Variants in MCTP2 observed in about 807,000 individuals in gnomAD.
MCTP2 encodes the protein multiple C2 and transmembrane domain containing 2, also known as multiple C2 and transmembrane domain-containing protein 2.
A neutral mutation model predicts 111.6 loss-of-function variants in MCTP2; 132 were observed. That is an observed-to-expected ratio of 1.18 (90% CI 1.03 to 1.37). MCTP2 has a LOEUF of 1.37. Ranked by LOEUF, MCTP2 falls within the 40% of genes most tolerant of loss-of-function variation. The probability of loss-of-function intolerance (pLI) is 0.00; values close to 1 mark genes in which losing one functional copy is unlikely to be tolerated. For synonymous variants in MCTP2, 395 were observed against 387.7 expected (o/e 1.02, Z -0.22); for missense variants, 1,183 against 1,067.9 (o/e 1.11, Z -1.50).
intron 11 of MCTP2, among the ~76,000 whole-genome samples, chr15:94,368,412 T>C (rs943497946): frequency 1.3e-5 from 2 of 152,214 alleles, no homozygotes; most frequent in Non-Finnish European, 2.9e-5. Context: ...TTTATTTGCA[T>C]TCTGCTTTTA....
At chr15:94,335,097 A>G (rs376195626) in intron 4 of MCTP2, among the ~76,000 whole-genome samples, 1 of 152,038 alleles carries the variant, frequency 6.6e-6, no homozygotes, top group East Asian at 1.9e-4. Context: ...CTGTTGCTAT[A>G]TTTTCTCAAC....
At position 94,359,931 on chromosome 15, in the gene MCTP2, A is replaced by T. The variant is rs530235357; in HGVS notation, c.1301+1319A>T. On this transcript the variant is annotated intron_variant, in intron 10 of 22. Coordinates refer to ENST00000357742, the MANE Select transcript of MCTP2 (RefSeq NM_001385001.1). Reference sequence around the variant, plus strand: ...GAATGTTGCTCCGGTGTCTCTCAATATGGGTACCCTGTTGCATGGGACTGT... The same window carrying T: ...GAATGTTGCTCCGGTGTCTCTCAATTTGGGTACCCTGTTGCATGGGACTGT... Among the ~76,000 whole-genome samples the T allele has an allele frequency of 2.6e-5, 4 of 152,216 alleles. No individual in the cohort carries two copies. In the South Asian group the frequency reaches 8.3e-4, roughly 32 times the overall value.
At chr15:94,391,749 C>T (rs1019470639) in intron 14 of MCTP2, among the ~76,000 whole-genome samples, 7 of 152,120 alleles carry the variant, frequency 4.6e-5, no homozygotes, top group African/African-American at 1.4e-4. Flanking sequence ...CTGGAGAGAT[C>T]CTGAACCCCA....
At chr15:94,348,233 C>G (rs987477551) in intron 8 of MCTP2, among the ~76,000 whole-genome samples, 2 of 151,566 alleles carry the variant, frequency 1.3e-5, no homozygotes, top group African/African-American at 4.9e-5. Context: ...AGGCTGACCT[C>G]TGCAGGATAC....
At chr15:94,242,853 T>C (rs78931571) in intron 1 of MCTP2, among the ~76,000 whole-genome samples, 3,643 of 150,486 alleles carry the variant, frequency 0.024, 135 homozygotes, top group African/African-American at 0.084. Context: ...GATGAAAGCC[T>C]GGCCACTTCT....
chr15:94,381,454 T>C (rs2080130674), intron 12 of MCTP2, among the ~76,000 whole-genome samples: 1 of 152,194 alleles, frequency 6.6e-6, no homozygotes, highest in South Asian at 2.1e-4. Flanking sequence ...GAAAGTCTGT[T>C]CCTCATTAGC....
intron 1 of MCTP2, among the ~76,000 whole-genome samples, chr15:94,241,261 G>A (rs866778905): frequency 6.3e-4 from 96 of 152,186 alleles, no homozygotes; most frequent in African/African-American, 2.2e-3. Context: ...ACAATCTGAT[G>A]TGCCGGGCAC....
chr15:94,467,604 C>G (rs977347503), intron 20 of MCTP2, among the ~76,000 whole-genome samples: 1 of 151,544 alleles, frequency 6.6e-6, no homozygotes, highest in African/African-American at 2.4e-5. Flanking sequence ...GAGTATAAAT[C>G]TAATTAATTT....
rs761046472 is a variant in MCTP2, at chr15:94,356,236, T to C, written c.1105T>C (p.Ser369Pro). The C allele has an allele frequency of 1.9e-6, 3 of 1,613,426 alleles. No homozygotes were observed. Among genetic ancestry groups the C allele is most frequent in the Non-Finnish European group, 2.5e-6 (3 of 1,179,608 alleles). Residue 369 changes from serine to proline, a missense_variant, in exon 9 of 23, where the codon TCA (serine) becomes CCA (proline). Ser to Pro is a moderately conservative substitution (Grantham distance 74). Coordinates refer to ENST00000357742, the MANE Select transcript of MCTP2 (RefSeq NM_001385001.1). The stretch of plus-strand genomic sequence containing the variant: ...AACTTTGTTGGAAGGGAAGAATGTC[T>C]CAGGAGGAAGCATGACAGAGATGTT... Reference protein sequence around the residue: ...SITLLEGKNVSGGSMTEMFVQ... With the variant: ...SITLLEGKNVPGGSMTEMFVQ...
chr15:94,466,971 T>TC (rs750124483), intron 20 of MCTP2, among the ~76,000 whole-genome samples: 4 of 152,208 alleles, frequency 2.6e-5, no homozygotes, highest in Non-Finnish European at 5.9e-5. Context: ...TCAATAACTT[T>TC]CTTTCCATAT....
At chr15:94,385,374 G>A (rs375162591) in intron 13 of MCTP2, 49 bp from the exon 14 acceptor site, 19 of 1,249,462 alleles carry the variant, frequency 1.5e-5, no homozygotes, top group Middle Eastern at 1.8e-4. Context: ...TCATGGAACA[G>A]ACTTCACTTG....
intron 19 of MCTP2, among the ~76,000 whole-genome samples, chr15:94,453,458 C>A (rs181384324): frequency 2.0e-5 from 3 of 152,274 alleles, no homozygotes; most frequent in African/African-American, 7.2e-5. Context: ...GTGGCCACTG[C>A]CAGGGCCTGT....
At chr15:94,360,341 C>T (rs1172967464) in intron 10 of MCTP2, among the ~76,000 whole-genome samples, 2 of 152,164 alleles carry the variant, frequency 1.3e-5, no homozygotes, top group Non-Finnish European at 2.9e-5. Context: ...CTTCTGTGAC[C>T]TTGTCTCTCA....
intron 21 of MCTP2, among the ~76,000 whole-genome samples, chr15:94,471,402 A>C (rs2073916737): frequency 6.6e-6 from 1 of 152,344 alleles, no homozygotes; most frequent in South Asian, 2.1e-4. Flanking sequence ...TGAAAGCTAC[A>C]ACCTTTCTAA....
intron 10 of MCTP2, among the ~76,000 whole-genome samples, chr15:94,364,990 A>G (rs890862056): frequency 1.3e-5 from 2 of 152,206 alleles, no homozygotes; most frequent in Non-Finnish European, 2.9e-5. Context: ...CCAGGTGGGT[A>G]GAAGAGTTAC....
chr15:94,412,411 C>A (rs2082194481), intron 17 of MCTP2, among the ~76,000 whole-genome samples: 1 of 151,940 alleles, frequency 6.6e-6, no homozygotes, highest in Non-Finnish European at 1.5e-5. Flanking sequence ...ATCTGTATTG[C>A]TACCTCGTGC....
chr15:94,402,368 A>T (rs2081641474), intron 17 of MCTP2: 1 of 1,482,956 alleles, frequency 6.7e-7, no homozygotes, highest in Admixed American at 2.4e-5. Flanking sequence ...CTAAATAATA[A>T]CTGAATTGTT....
At chr15:94,446,487 G>T (rs1401603726) in intron 19 of MCTP2, among the ~76,000 whole-genome samples, 1 of 152,212 alleles carries the variant, frequency 6.6e-6, no homozygotes, top group Non-Finnish European at 1.5e-5. Context: ...GTAAAGGTCA[G>T]TAATTGAAGC....
At position 94,340,383 on chromosome 15, in the gene MCTP2, C is replaced by T. The variant is rs987807301; in HGVS notation, c.857+108C>T. 8.4e-6 allele frequency: 7 copies of T among 829,960 alleles called. No homozygotes were observed. The African/African-American group carries it at 8.5e-5, about 10-fold the overall frequency. The allele number at this position is 829,960 out of a possible 1,614,324, so 51.4% of individuals were successfully genotyped here. On this transcript the variant is annotated intron_variant, in intron 6 of 22. Coordinates refer to ENST00000357742, the MANE Select transcript of MCTP2 (RefSeq NM_001385001.1). ...AAATGACAAAAATAACATATCTGAA[C>T]AAATGAAAGAGAGCTTTAAAGTGTT...
Sources: allele counts gnomAD v4.1 joint callset (sites outside exome capture counted in the v4.1 genomes callset), GRCh38; gene constraint gnomAD v4.1.1; transcripts MANE v1.5; gene names NCBI Gene and HGNC (gene_info 2026-07-23, HGNC 2026-07-21).